Variants in BLTP3A observed in about 807,000 individuals in gnomAD.
BLTP3A encodes ICBP90 binding protein 1.
chr6:34,797,477 C>T, the BLTP3A span, among the ~76,000 whole-genome samples: 1 of 152,160 alleles, frequency 6.6e-6, no homozygotes, highest in East Asian at 1.9e-4. Flanking sequence ...GGGCCAGCCT[C>T]CAGTTGATAG....
the BLTP3A span, among the ~76,000 whole-genome samples, chr6:34,865,552 A>G: frequency 2.0e-5 from 3 of 152,236 alleles, no homozygotes; most frequent in Non-Finnish European, 4.4e-5. Flanking sequence ...TTCCTTGGAT[A>G]TATACCCAGA....
the BLTP3A span, among the ~76,000 whole-genome samples, chr6:34,829,528 T>G: frequency 6.6e-6 from 1 of 152,208 alleles, no homozygotes; most frequent in Non-Finnish European, 1.5e-5. Context: ...GAGACATCCA[T>G]TTTGTTACAT....
chr6:34,810,813 C>G, the BLTP3A span, among the ~76,000 whole-genome samples: 11,112 of 152,186 alleles, frequency 0.073, 601 homozygotes, highest in East Asian at 0.33. Context: ...TACATTTCTC[C>G]TGACTGCAAA....
the BLTP3A span, chr6:34,859,067 T>C: frequency 6.8e-6 from 11 of 1,614,088 alleles, no homozygotes; most frequent in African/African-American, 1.3e-4. Flanking sequence ...ACTAGCCTCG[T>C]AGATTCAGAG....
the BLTP3A span, among the ~76,000 whole-genome samples, chr6:34,824,016 C>T: frequency 2.0e-5 from 3 of 150,896 alleles, no homozygotes; most frequent in East Asian, 6.0e-4. Flanking sequence ...GATCTTGGCT[C>T]ACTGCATCAT....
chr6:34,873,931 A>G, the BLTP3A span: 3 of 152,592 alleles, frequency 2.0e-5, no homozygotes, highest in African/African-American at 7.2e-5. Context: ...GACTAGAAAA[A>G]AAAAATGTAT....
At chr6:34,809,754 T>G in the BLTP3A span, among the ~76,000 whole-genome samples, 68,380 of 151,506 alleles carry the variant, frequency 0.45, 17,625 homozygotes, top group African/African-American at 0.72. Flanking sequence ...CGGGGTTTCA[T>G]CGTGTTGGCC....
the BLTP3A span, among the ~76,000 whole-genome samples, chr6:34,841,136 A>T: frequency 2.0e-5 from 3 of 151,954 alleles, no homozygotes; most frequent in Admixed American, 6.6e-5. Flanking sequence ...AGTCCAGCTC[A>T]CATTATTTTT....
the BLTP3A span, among the ~76,000 whole-genome samples, chr6:34,795,190 C>T: frequency 6.6e-6 from 1 of 151,512 alleles, no homozygotes; most frequent in Non-Finnish European, 1.5e-5. Context: ...CTCAAGTGAT[C>T]CTCCTGCCTC....
the BLTP3A span, among the ~76,000 whole-genome samples, chr6:34,852,778 TA>T: frequency 0.45 from 67,813 of 151,924 alleles, 17,172 homozygotes; most frequent in African/African-American, 0.7. Flanking sequence ...TCAAATTTCT[TA>T]AAGGATCCTA....
the BLTP3A span, among the ~76,000 whole-genome samples, chr6:34,802,249 C>A: frequency 6.6e-6 from 1 of 151,850 alleles, no homozygotes; most frequent in South Asian, 2.1e-4. Flanking sequence ...CTTGTTGCCA[C>A]GGCTGGAGTG....
chr6:34,864,705 C>T, the BLTP3A span, among the ~76,000 whole-genome samples: 2 of 152,154 alleles, frequency 1.3e-5, no homozygotes, highest in Non-Finnish European at 2.9e-5. Flanking sequence ...CAGTGGCTGA[C>T]GCCTGTAATC....
At chr6:34,817,362 C>G in the BLTP3A span, among the ~76,000 whole-genome samples, 1 of 152,174 alleles carries the variant, frequency 6.6e-6, no homozygotes, top group Non-Finnish European at 1.5e-5. Flanking sequence ...TTAGTTCATA[C>G]TCAGTAAATG....
the BLTP3A span, chr6:34,873,747 T>A: frequency 6.6e-6 from 1 of 152,218 alleles, no homozygotes; most frequent in African/African-American, 2.4e-5. Flanking sequence ...CCATTCACCT[T>A]TCCATACTGA....
At chr6:34,864,279 A>G in the BLTP3A span, 1 of 1,339,098 alleles carries the variant, frequency 7.5e-7, no homozygotes, top group South Asian at 1.4e-5. Flanking sequence ...TGGCAGGGCT[A>G]AAGAGGAGCT....
chr6:34,816,321 G>A, the BLTP3A span, among the ~76,000 whole-genome samples: 7 of 152,044 alleles, frequency 4.6e-5, no homozygotes, highest in African/African-American at 1.7e-4. Flanking sequence ...TTCTTTAAAA[G>A]TGGCTGGGCA....
the BLTP3A span, among the ~76,000 whole-genome samples, chr6:34,802,358 C>T: frequency 2.0e-5 from 3 of 150,214 alleles, no homozygotes; most frequent in Admixed American, 6.6e-5. Flanking sequence ...AGGTGCCCAC[C>T]ACCAAGCCCG....
At chr6:34,812,435 A>G in the BLTP3A span, among the ~76,000 whole-genome samples, 6 of 152,154 alleles carry the variant, frequency 3.9e-5, no homozygotes, top group Non-Finnish European at 8.8e-5. Context: ...ATTTAGAAGG[A>G]AAGAAGGTTC....
At chr6:34,835,880 A>G in the BLTP3A span, among the ~76,000 whole-genome samples, 1 of 152,248 alleles carries the variant, frequency 6.6e-6, no homozygotes, top group Admixed American at 6.5e-5. Context: ...ATGTTTTAGC[A>G]TCAGTCCACT....
Sources: allele counts gnomAD v4.1 joint callset (sites outside exome capture counted in the v4.1 genomes callset), GRCh38; gene constraint gnomAD v4.1.1; transcripts MANE v1.5; gene names NCBI Gene and HGNC (gene_info 2026-07-23, HGNC 2026-07-21).